LINGO2: variants seen among roughly 807,000 people sequenced by gnomAD.
The protein encoded by LINGO2 is leucine-rich repeat and immunoglobulin-like domain-containing nogo receptor-interacting protein 2.
A neutral mutation model predicts 30.6 loss-of-function variants in LINGO2; 14 were observed. That is an observed-to-expected ratio of 0.46 (90% CI 0.30 to 0.72). The LOEUF (loss-of-function observed/expected upper bound fraction) is 0.72. Ranked by LOEUF, LINGO2 falls within the 30% of genes least tolerant of loss-of-function variation. The pLI, the probability that LINGO2 is intolerant of heterozygous loss-of-function variation, is 0.07. For missense variants in LINGO2, 729 were observed against 751.7 expected (o/e 0.97, Z 0.35); for synonymous variants, 317 against 288.5 (o/e 1.10, Z -1.00).
chr9:28,361,336 T>C (rs1820434562), intron 3 of LINGO2, among the ~76,000 whole-genome samples: 1 of 152,198 alleles, frequency 6.6e-6, no homozygotes, highest in African/African-American at 2.4e-5. Context: ...TAGGTATGTA[T>C]GTATAGGGAA....
intron 5 of LINGO2, among the ~76,000 whole-genome samples, chr9:27,971,233 GT>G (rs1216548285): frequency 1.3e-4 from 19 of 150,128 alleles, no homozygotes; most frequent in Admixed American, 1.2e-3. Context: ...TGTCCTTACT[GT>G]TTCCATCTTT....
chr9:28,315,009 CAAAAA>C (rs10715487), intron 3 of LINGO2, among the ~76,000 whole-genome samples: 1 of 120,566 alleles, frequency 8.3e-6, no homozygotes, highest in African/African-American at 3.1e-5. Flanking sequence ...GACTACGTCT[CAAAAA>C]AAAAAAAAAA....
chr9:28,053,959 AAGT>A (rs1371023920), intron 4 of LINGO2, among the ~76,000 whole-genome samples: 1 of 152,058 alleles, frequency 6.6e-6, no homozygotes, highest in Non-Finnish European at 1.5e-5. Flanking sequence ...AAGGAAGGCC[AAGT>A]ATTATATAGT....
chr9:28,788,626 A>T, the LINGO2 span, among the ~76,000 whole-genome samples: 38 of 152,188 alleles, frequency 2.5e-4, 1 homozygote, highest in Non-Finnish European at 7.3e-5. Context: ...GGAAACTTAC[A>T]ATCATGGTGG....
At chr9:28,937,831 C>A in the LINGO2 span, among the ~76,000 whole-genome samples, 1 of 151,892 alleles carries the variant, frequency 6.6e-6, no homozygotes, top group African/African-American at 2.4e-5. Context: ...GGTACAAGGG[C>A]AAGTTTGTTA....
intron 2 of LINGO2, among the ~76,000 whole-genome samples, chr9:28,448,658 A>C (rs562920408): frequency 1.3e-5 from 2 of 152,100 alleles, no homozygotes; most frequent in Non-Finnish European, 2.9e-5. Flanking sequence ...AGGTAAATCT[A>C]AAAGTGCTAT....
intron 4 of LINGO2, among the ~76,000 whole-genome samples, chr9:28,144,897 T>C (rs1430669978): frequency 6.6e-6 from 1 of 152,224 alleles, no homozygotes; most frequent in Non-Finnish European, 1.5e-5. Context: ...AAAAACTGGA[T>C]GGACTTCTGC....
intron 4 of LINGO2, among the ~76,000 whole-genome samples, chr9:28,090,098 G>A (rs1338051929): frequency 6.6e-6 from 1 of 152,082 alleles, no homozygotes; most frequent in Non-Finnish European, 1.5e-5. Flanking sequence ...AAAAGTCCAG[G>A]ACCAGATGCA....
At chr9:28,751,288 CAAAAAAAAA>C in the LINGO2 span, among the ~76,000 whole-genome samples, 1 of 82,020 alleles carries the variant, frequency 1.2e-5, no homozygotes, top group Non-Finnish European at 2.3e-5. Context: ...AAGATCCAGT[CAAAAAAAAA>C]AAAAAAAAAA....
the LINGO2 span, among the ~76,000 whole-genome samples, chr9:28,914,193 C>T: frequency 3.4e-4 from 51 of 152,210 alleles, no homozygotes; most frequent in African/African-American, 1.2e-3. Context: ...GATCTAAATA[C>T]ATTTGTGTAT....
the LINGO2 span, among the ~76,000 whole-genome samples, chr9:29,018,047 G>T: frequency 1.4e-4 from 14 of 98,060 alleles, no homozygotes; most frequent in East Asian, 3.1e-3. Context: ...GAGAGAGAGA[G>T]ATCTATATAT....
At chr9:28,883,626 G>GTGTGTGTGTGTA in the LINGO2 span, among the ~76,000 whole-genome samples, 3 of 25,638 alleles carry the variant, frequency 1.2e-4, no homozygotes, top group Admixed American at 7.6e-4. Flanking sequence ...ATATGTGTGT[G>GTGTGTGTGTGTA]TGTATATATA....
At position 28,447,248 on chromosome 9, in the gene LINGO2, T is replaced by A. The variant is rs555326562; in HGVS notation, c.-279+28692A>T. On this transcript the variant is annotated intron_variant, in intron 2 of 5. Coordinates refer to ENST00000379992, the Ensembl canonical transcript of LINGO2. ...TCATATGCTGAAACCCAATCTCTAA[T>A]GCAACAGTATTAAGAGGTGGAGGCT... is the stretch of plus-strand genomic sequence containing the variant. Among the ~76,000 whole-genome samples the A allele has an allele frequency of 2.0e-5, 3 of 152,262 alleles. No individual in the cohort carries two copies. The East Asian group carries it at 5.8e-4, about 29-fold the overall frequency.
chr9:28,567,270 G>A (rs1284632296), intron 1 of LINGO2, among the ~76,000 whole-genome samples: 1 of 152,030 alleles, frequency 6.6e-6, no homozygotes, highest in East Asian at 1.9e-4. Context: ...ACTACCATTT[G>A]ACCCAGCAAT....
chr9:28,367,951 G>C (rs1820741875), intron 3 of LINGO2, among the ~76,000 whole-genome samples: 2 of 151,716 alleles, frequency 1.3e-5, no homozygotes, highest in Non-Finnish European at 2.9e-5. Context: ...CTCTCCTTAA[G>C]GGTAACTTCC....
chr9:28,640,312 T>G (rs1317902924), intron 1 of LINGO2, among the ~76,000 whole-genome samples: 1 of 152,114 alleles, frequency 6.6e-6, no homozygotes, highest in Admixed American at 6.6e-5. Context: ...GAGTTGCTCT[T>G]CTCGAGGAGT....
intron 4 of LINGO2, among the ~76,000 whole-genome samples, chr9:28,230,404 A>G (rs764992774): frequency 6.6e-6 from 1 of 151,914 alleles, no homozygotes; most frequent in Non-Finnish European, 1.5e-5. Context: ...AAACTATGAT[A>G]TCAGGTTTGT....
chr9:28,555,636 A>G (rs1172961377), intron 1 of LINGO2, among the ~76,000 whole-genome samples: 1 of 152,098 alleles, frequency 6.6e-6, no homozygotes, highest in Non-Finnish European at 1.5e-5. Context: ...AATCCTCCCT[A>G]ACTCATTTTA....
At chr9:29,133,722 A>C in the LINGO2 span, among the ~76,000 whole-genome samples, 1 of 152,164 alleles carries the variant, frequency 6.6e-6, no homozygotes, top group Non-Finnish European at 1.5e-5. Flanking sequence ...TCTACTTGCT[A>C]AAGAACACGC....
Sources: allele counts gnomAD v4.1 joint callset (sites outside exome capture counted in the v4.1 genomes callset), GRCh38; gene constraint gnomAD v4.1.1; transcripts MANE v1.5; gene names NCBI Gene and HGNC (gene_info 2026-07-23, HGNC 2026-07-21).